The following VPS72 variants were observed in gnomAD, a reference collection of about 807,000 sequenced individuals.
The protein encoded by VPS72 is vacuolar protein sorting-associated protein 72 homolog.
Under a neutral mutation model 38.9 loss-of-function variants are expected in VPS72, and 27 were observed. The observed-to-expected ratio is 0.69, with a 90% CI of 0.51 to 0.96. The LOEUF (loss-of-function observed/expected upper bound fraction) is 0.96, where lower values mean the gene tolerates loss of function less well. Ranked by LOEUF, VPS72 falls within the 40% of genes least tolerant of loss-of-function variation. VPS72 has a pLI of 0.00. For missense variants in VPS72, 360 were observed against 479.5 expected, an observed-to-expected ratio of 0.75 and a Z score of 2.33; for synonymous variants, 173 against 186.3, an observed-to-expected ratio of 0.93 and a Z score of 0.58.
rs760021714 is a variant in VPS72 at position 151,184,447 on chromosome 1, C to T, written c.432G>A (p.Thr144=). 40 of 1,613,724 alleles carry T rather than the reference C, an allele frequency of 2.5e-5. No homozygotes were observed. Among genetic ancestry groups the T allele is most frequent in the Non-Finnish European group, 3.1e-5 (37 of 1,180,038 alleles). Residue 144 remains threonine, a synonymous_variant, in exon 4 of 6, where the codon ACG becomes ACA. Transcript: ENST00000368892. ...CCTGCCTCTCCTGTACCCGAAGGAACGTTTGTCGTGTATGCTCAGCTGTAG... is the reference window on the plus strand; with the variant it reads ...CCTGCCTCTCCTGTACCCGAAGGAATGTTTGTCGTGTATGCTCAGCTGTAG... ...RQSTAEHTRQ[T]FLRVQERQGQ...
At chr1:151,178,704 A>C (rs587661501) in intron 4 of VPS72, among the ~76,000 whole-genome samples, 1 of 152,212 alleles carries the variant, frequency 6.6e-6, no homozygotes, top group African/African-American at 2.4e-5. Context: ...ACAACAAGAA[A>C]ATCTCGCAAC....
intron 4 of VPS72, among the ~76,000 whole-genome samples, chr1:151,183,827 GA>G (rs975146005): frequency 5.1e-4 from 78 of 151,898 alleles, no homozygotes; most frequent in African/African-American, 1.7e-3. Context: ...TTTATCTCAT[GA>G]AGGACTAATC....
intron 1 of VPS72, among the ~76,000 whole-genome samples, chr1:151,188,977 A>G (rs962038445): frequency 3.9e-5 from 6 of 152,046 alleles, no homozygotes; most frequent in Non-Finnish European, 7.4e-5. Flanking sequence ...CTATAGGCGC[A>G]CACCACCACG....
chr1:151,182,270 C>T (rs1042742219), intron 4 of VPS72, among the ~76,000 whole-genome samples: 4 of 152,112 alleles, frequency 2.6e-5, no homozygotes, highest in African/African-American at 9.7e-5. Context: ...CTCAGATGAT[C>T]CACCCGCCGC....
intron 4 of VPS72, among the ~76,000 whole-genome samples, chr1:151,183,421 CAAAAAAA>C (rs769884773): frequency 3.9e-5 from 2 of 50,860 alleles, no homozygotes; most frequent in Admixed American, 2.7e-4. Context: ...GACTCTGTCT[CAAAAAAA>C]AAAAAAAAAA....
At chr1:151,183,892 CTT>C (rs914124670) in intron 4 of VPS72, among the ~76,000 whole-genome samples, 2 of 144,650 alleles carry the variant, frequency 1.4e-5, no homozygotes, top group Admixed American at 6.9e-5. Flanking sequence ...TCACCCCCTG[CTT>C]TTTTTTTTTT....
chr1:151,179,936 C>T (rs778220453), intron 4 of VPS72, among the ~76,000 whole-genome samples: 1 of 152,018 alleles, frequency 6.6e-6, no homozygotes, highest in African/African-American at 2.4e-5. Context: ...CAAAATATTC[C>T]TCGTCCCCTT....
chr1:151,177,206 G>A lies in VPS72; in HGVS notation c.708-175C>T, dbSNP rs1684131001. On this transcript the variant is annotated intron_variant, in intron 5 of 5. Coordinates refer to ENST00000368892, the MANE Select transcript of VPS72 (RefSeq NM_005997.3). ...TCGAGACCAGCCTGACTAACAAGGT[G>A]AAACCCTGTCTCTACTAAAAATACA... 8.0e-6 allele frequency: 5 copies of A among 627,226 alleles called. No homozygotes were observed. The East Asian group carries it at 9.0e-5, about 11-fold the overall frequency. The allele number at this position is 627,226 out of a possible 1,614,324, so 38.9% of individuals were successfully genotyped here.
intron 1 of VPS72, among the ~76,000 whole-genome samples, chr1:151,187,672 A>G (rs1481412744): frequency 6.6e-6 from 1 of 152,210 alleles, no homozygotes; most frequent in Non-Finnish European, 1.5e-5. Flanking sequence ...ATAATGATAA[A>G]TGCTCCCTAG....
chr1:151,181,170 T>A (rs1335676367), intron 4 of VPS72, among the ~76,000 whole-genome samples: 1 of 152,064 alleles, frequency 6.6e-6, no homozygotes, highest in African/African-American at 2.4e-5. Context: ...GAAGTGCACA[T>A]GGGTAGCCCC....
rs116201114 is a variant in VPS72 at position 151,177,942 on chromosome 1, T to C, written c.707+59A>G. 1.5e-3 allele frequency: 2,423 copies of C among 1,567,770 alleles called. 35 individuals carry two copies. The African/African-American group carries it at 0.03, about 19-fold the overall frequency. On this transcript the variant is annotated intron_variant, in intron 5 of 5. Coordinates refer to ENST00000368892, the MANE Select transcript of VPS72 (RefSeq NM_005997.3). ...AGCTGTGTGAGAAAAGCAAGCAAAA[T>C]GGGGCCAAGAGAACATGAGCTGAAC...
At chr1:151,189,111 G>GAGCCACTGTGCCCGGCCAA (rs973690027) in intron 1 of VPS72, among the ~76,000 whole-genome samples, 1 of 152,168 alleles carries the variant, frequency 6.6e-6, no homozygotes, top group Non-Finnish European at 1.5e-5. Flanking sequence ...TTACAGGCGT[G>GAGCCACTGTGCCCGGCCAA]AGCCACTGTG....
At chr1:151,181,008 C>T (rs1447219582) in intron 4 of VPS72, among the ~76,000 whole-genome samples, 1 of 152,154 alleles carries the variant, frequency 6.6e-6, no homozygotes, top group Non-Finnish European at 1.5e-5. Context: ...CAGCAAACTC[C>T]CTTCTCTTTT....
chr1:151,182,811 C>G (rs1684269121), intron 4 of VPS72, among the ~76,000 whole-genome samples: 1 of 152,222 alleles, frequency 6.6e-6, no homozygotes, highest in African/African-American at 2.4e-5. Flanking sequence ...CAAAGCTCCT[C>G]CTCTTGTATG....
rs1371417927 is a variant in VPS72 at position 151,176,509 on chromosome 1, G to C, written c.*135C>G. On this transcript the variant is annotated 3_prime_UTR_variant, in exon 6 of 6. Coordinates refer to ENST00000368892, the MANE Select transcript of VPS72 (RefSeq NM_005997.3). ...TTAAAAAACACAACGAAACCTGTAA[G>C]AACTAGGGGAAAAGGAAAAAGAAAC... 1.4e-6 allele frequency: 2 copies of C among 1,387,058 alleles called. No homozygotes were observed. Among genetic ancestry groups the C allele is most frequent in the African/African-American group, 1.4e-5 (1 of 69,076 alleles). The allele number at this position is 1,387,058 out of a possible 1,614,324, so 85.9% of individuals were successfully genotyped here.
Position 151,185,982 on chromosome 1 carries a change from C to T in VPS72, c.118-32G>A, listed in dbSNP as rs187345680. On this transcript the variant is annotated intron_variant, in intron 1 of 5. Transcript: ENST00000368892. ...ACACAGGGAGATAAGGGTTGGCTGG[C>T]AATGGAAGCCTTAATGCCCCTTCAG... 1.3e-5 allele frequency: 21 copies of T among 1,610,008 alleles called. No individual in the cohort carries two copies. The East Asian group carries it at 4.7e-4, about 36-fold the overall frequency.
At chr1:151,186,098 C>A in intron 1 of VPS72, 148 bp from the exon 2 acceptor site, 7 of 993,804 alleles carry the variant, frequency 7.0e-6, no homozygotes, top group Non-Finnish European at 1.0e-5. Flanking sequence ...AGAAAACTTT[C>A]TAGCTAATGG....
intron 4 of VPS72, among the ~76,000 whole-genome samples, chr1:151,179,790 C>A (rs1426319288): frequency 1.3e-5 from 2 of 152,124 alleles, no homozygotes; most frequent in Admixed American, 1.3e-4. Flanking sequence ...TACCGGGAGG[C>A]TGAGGCAGGA....
At chr1:151,184,176 T>C in intron 4 of VPS72, 141 bp downstream of exon 4, 1 of 1,137,102 alleles carries the variant, frequency 8.8e-7, no homozygotes, top group East Asian at 2.4e-5. Flanking sequence ...TTGCACCTAA[T>C]TACCTACTCT....
Sources: gnomAD v4.1 joint callset for allele counts (sites outside exome capture counted in the v4.1 genomes callset) on GRCh38, gnomAD v4.1.1 for gene constraint, MANE v1.5 for transcripts, NCBI Gene and HGNC (gene_info 2026-07-23, HGNC 2026-07-21) for gene names.